The following CACNA1H variants were observed in gnomAD, a reference collection of about 807,000 sequenced individuals.
CACNA1H encodes the protein voltage-dependent T-type calcium channel subunit alpha-1H.
CACNA1H carries 149 observed loss-of-function variants against 192.5 expected under a neutral mutation model. The observed-to-expected ratio is 0.77, with a 90% CI of 0.68 to 0.89. The LOEUF (loss-of-function observed/expected upper bound fraction) is 0.89. CACNA1H is among the 40% of genes least tolerant of loss of function. The pLI is 0.00. For missense variants in CACNA1H, 4,257 were observed against 3,423.5 expected (o/e 1.24, Z -6.08); for synonymous variants, 2,202 against 1,475.2 (o/e 1.49, Z -11.29).
At chr16:1,179,864 A>G (rs919472990) in intron 2 of CACNA1H, among the ~76,000 whole-genome samples, 1 of 150,000 alleles carries the variant, frequency 6.7e-6, no homozygotes, top group African/African-American at 2.5e-5. Context: ...CCTCCCACGT[A>G]GCTGGGATTA....
intron 4 of CACNA1H, 66 bp from the exon 5 acceptor site, chr16:1,195,860 A>C: frequency 7.9e-7 from 1 of 1,268,644 alleles, no homozygotes; most frequent in Non-Finnish European, 1.2e-6. Context: ...CCTACTTTGC[A>C]CCCCAGCCCC....
chr16:1,209,359 C>A lies in CACNA1H; in HGVS notation c.3691C>A (p.Arg1231Ser). 2.5e-6 allele frequency: 4 copies of A among 1,598,006 alleles called. No homozygotes were observed. The highest frequency in any genetic ancestry group is 1.1e-5 in the South Asian group (1 of 91,070). Residue 1231 changes from arginine to serine, a missense_variant, in exon 17 of 35, where the codon CGC becomes AGC. Physicochemically the swap from Arg to Ser is moderately radical, Grantham distance 110. Transcript: ENST00000348261. ...GGCCCTGCCCAGCGACTTCTTCCTGCGCATCGACAGCCACCGTGAGGATGC... is the reference window on the plus strand; with the variant it reads ...GGCCCTGCCCAGCGACTTCTTCCTGAGCATCGACAGCCACCGTGAGGATGC... The part of the protein sequence containing the change: ...VVALPSDFFL[R>S]IDSHREDAAE...
chr16:1,166,108 C>T (rs1435791323), intron 2 of CACNA1H, among the ~76,000 whole-genome samples: 1 of 152,220 alleles, frequency 6.6e-6, no homozygotes, highest in Non-Finnish European at 1.5e-5. Flanking sequence ...TTTGTGTTTT[C>T]TCACTCAGAC....
At chr16:1,202,603 T>G (rs1211678298) in intron 9 of CACNA1H, among the ~76,000 whole-genome samples, 151 bp downstream of exon 9, 1 of 151,740 alleles carries the variant, frequency 6.6e-6, no homozygotes, top group African/African-American at 2.4e-5. Context: ...CTGGAGCCCA[T>G]AAGAAGGGGA....
intron 2 of CACNA1H, among the ~76,000 whole-genome samples, chr16:1,189,385 C>T (rs1460091701): frequency 7.3e-6 from 1 of 136,326 alleles, no homozygotes; most frequent in Non-Finnish European, 1.5e-5. Flanking sequence ...GGCAGGTGCC[C>T]TGAAGAGTGT....
chr16:1,202,871 AGTGGGGGAGT>A (rs1263992574), intron 9 of CACNA1H, among the ~76,000 whole-genome samples: 1 of 151,480 alleles, frequency 6.6e-6, no homozygotes, highest in Non-Finnish European at 1.5e-5. Flanking sequence ...GGGGACGCTG[AGTGGGGGAGT>A]GTGGGGGAGG....
chr16:1,200,647 C>G, intron 7 of CACNA1H, 69 bp from the exon 8 acceptor site: 1 of 1,589,818 alleles, frequency 6.3e-7, no homozygotes. Flanking sequence ...CCCCCCAGCC[C>G]AGACCCCAGG....
Position 1,210,488 on chromosome 16 carries a change from A to G in CACNA1H, c.3964A>G (p.Ser1322Gly). The G allele has an allele frequency of 6.2e-7, 1 of 1,611,816 alleles. No homozygotes were observed. Among genetic ancestry groups the G allele is most frequent in the South Asian group, 1.1e-5 (1 of 91,052 alleles). Residue 1322 changes from serine (S) to glycine (G), a missense_variant, in exon 19 of 35, where the codon AGC becomes GGC. Transcript: ENST00000348261. ...ALERPDIDPG[S>G]TERVFLSVSN... is the part of the protein sequence containing the mutation. ...GGAGAGGCCTGACATTGATCCCGGC[A>G]GCACCGTGAGTCAGCCAACCCCATC...
rs961885924 is a variant in CACNA1H, at chr16:1,206,091, C to A, written c.2604-13C>A. ...TCGTGGCCCCGCTGACCCTCGCCCC[C>A]ACCTGTCCGCAGCGTCTGGGAGATC... On this transcript the variant is annotated splice_polypyrimidine_tract_variant and intron_variant, in intron 11 of 34. Transcript: ENST00000348261. 3 of 1,558,548 alleles carry A rather than the reference C, an allele frequency of 1.9e-6. No homozygotes were observed. Among genetic ancestry groups the A allele is most frequent in the African/African-American group, 2.7e-5 (2 of 73,888 alleles).
At chr16:1,199,522 G>C (rs1435873144) in intron 6 of CACNA1H, among the ~76,000 whole-genome samples, 1 of 146,996 alleles carries the variant, frequency 6.8e-6, no homozygotes, top group African/African-American at 2.5e-5. Flanking sequence ...CCCCAGTGCT[G>C]CCACCTCTCA....
chr16:1,159,037 T>G (rs999761860), intron 2 of CACNA1H, among the ~76,000 whole-genome samples: 2 of 152,252 alleles, frequency 1.3e-5, no homozygotes, highest in African/African-American at 4.8e-5. Flanking sequence ...AGGGCCCCTG[T>G]TCGCCTGCCT....
At position 1,190,196 on chromosome 16, in the gene CACNA1H, G is replaced by A. The variant is rs561900583; in HGVS notation, c.300-4776G>A. ...CGTTCTGCCGCCCTGCAGCCAGCAG[G>A]CCCCCTCCCAGGGCTGTTCCCGGCT... On this transcript the variant is annotated intron_variant, in intron 2 of 34. Transcript: ENST00000348261. Among the ~76,000 whole-genome samples the A allele has an allele frequency of 4.6e-5, 7 of 152,354 alleles. No homozygotes were observed. In the South Asian group the frequency reaches 1.2e-3, roughly 27 times the overall value.
At chr16:1,182,530 GCTGCCCGGGCTCCCCACCCCCAA>G (rs1288777313) in intron 2 of CACNA1H, among the ~76,000 whole-genome samples, 1 of 152,142 alleles carries the variant, frequency 6.6e-6, no homozygotes, top group Non-Finnish European at 1.5e-5. Context: ...ATGTTTGGCT[GCTGCCCGGGCTCCCCACCCCCAA>G]CTGCCCGTGT....
At chr16:1,219,755 A>G (rs1055045721) in intron 34 of CACNA1H, among the ~76,000 whole-genome samples, 9 of 150,866 alleles carry the variant, frequency 6.0e-5, no homozygotes, top group African/African-American at 2.2e-4. Flanking sequence ...ATCTCTGCCC[A>G]CAGAGCAGCG....
rs1967946405 is a variant in CACNA1H at position 1,201,754 on chromosome 16, A to T, written c.1304A>T (p.Glu435Val). ...CAGCGGGAGAGTCAGCTGATGCGGG[A>T]GCAGCGGGCACGCCACCTGTCCAAC... is the stretch of plus-strand genomic sequence containing the variant. Reference protein sequence around the residue: ...TKQRESQLMREQRARHLSNDS... With the variant: ...TKQRESQLMRVQRARHLSNDS... Residue 435 changes from glutamate to valine, a missense_variant, in exon 9 of 35, where the codon GAG becomes GTG. Coordinates refer to ENST00000348261, the MANE Select transcript of CACNA1H (RefSeq NM_021098.3). 1.2e-6 allele frequency: 2 copies of T among 1,608,990 alleles called. No homozygotes were observed. Among genetic ancestry groups the T allele is most frequent in the African/African-American group, 2.7e-5 (2 of 74,980 alleles).
intron 1 of CACNA1H, 34 bp from the exon 2 acceptor site, chr16:1,153,686 C>T (rs1961884529): frequency 8.6e-7 from 1 of 1,167,090 alleles, no homozygotes; most frequent in Non-Finnish European, 1.1e-6. Flanking sequence ...GGGGGCGTCG[C>T]CACCGGCCCC....
chr16:1,166,306 G>A (rs1201899437), intron 2 of CACNA1H, among the ~76,000 whole-genome samples: 1 of 152,190 alleles, frequency 6.6e-6, no homozygotes, highest in African/African-American at 2.4e-5. Context: ...AGCTCCCTGT[G>A]GCTCAGACCC....
intron 2 of CACNA1H, among the ~76,000 whole-genome samples, chr16:1,161,886 G>C (rs1160559130): frequency 6.6e-6 from 1 of 152,142 alleles, no homozygotes; most frequent in Admixed American, 6.5e-5. Context: ...GGGTGGGCCT[G>C]GTCGGACGCG....
chr16:1,220,403 G>A lies in CACNA1H; in HGVS notation c.6471G>A (p.Ser2157=), dbSNP rs554496815. The A allele has an allele frequency of 2.5e-5, 38 of 1,523,122 alleles. No individual in the cohort carries two copies. The highest frequency in any genetic ancestry group is 1.3e-4 in the South Asian group (10 of 76,772). 94.4% of individuals were successfully genotyped at this position (1,523,122 alleles called of 1,614,324 possible). The change falls in exon 35 of 35, where the codon TCG becomes TCA. Residue 2157 remains serine, a synonymous_variant. Coordinates refer to ENST00000348261, the MANE Select transcript of CACNA1H (RefSeq NM_021098.3). ...GGGCAGACGAGCAGTGGCGGCCCTC[G>A]GCGGAGCTGGGCAGCGGGGAGCCTG... The part of the protein sequence containing the change: ...PGRADEQWRP[S]AELGSGEPGE...
Sources: allele counts gnomAD v4.1 joint callset (sites outside exome capture counted in the v4.1 genomes callset), GRCh38; gene constraint gnomAD v4.1.1; transcripts MANE v1.5; gene names NCBI Gene and HGNC (gene_info 2026-07-23, HGNC 2026-07-21).